GPX2: variants seen among roughly 807,000 people sequenced by gnomAD.
The protein encoded by GPX2 is gastrointestinal glutathione peroxidase.
GPX2 carries 21 observed loss-of-function variants against 14.1 expected under a neutral mutation model. The ratio of observed to expected loss-of-function variants is 1.48; its 90% CI spans 1.05 to 2.14. The LOEUF is 2.14. Among genes scored for constraint, GPX2 ranks in the 30% most tolerant of loss-of-function variants. The pLI, the probability that GPX2 is intolerant of heterozygous loss-of-function variation, is 0.00. For missense variants in GPX2, 241 were observed against 249.8 expected (o/e 0.96, Z 0.24); for synonymous variants, 94 against 95.2 (o/e 0.99, Z 0.07).
In GPX2 at chr14:64,939,300, T is replaced by G; in HGVS notation, c.*188A>C. The stretch of plus-strand genomic sequence containing the variant: ...CTTACCCAAGTCTTGGAGCCCAAGT[T>G]GAATCACCAACCAGAGGGTTGGGAG... On this transcript the variant is annotated 3_prime_UTR_variant, in exon 2 of 2. Transcript: ENST00000389614. This position sits in a 1 kb window ranked among gnomAD's most constrained non-coding sequence, Gnocchi z 5.7. The G allele has an allele frequency of 1.7e-6, 1 of 605,800 alleles. No homozygotes were observed. The highest frequency in any genetic ancestry group is 2.0e-5 in the South Asian group (1 of 50,474). The allele number at this position is 605,800 out of a possible 1,614,324, so 37.5% of individuals were successfully genotyped here.
In GPX2 at chr14:64,940,217, G is replaced by A; in HGVS notation, c.223-379C>T. 1 of 1,296,562 alleles carries A rather than the reference G, an allele frequency of 7.7e-7. No individual in the cohort carries two copies. The highest frequency in any genetic ancestry group is 1.5e-5 in the African/African-American group (1 of 66,388). 80.3% of individuals were successfully genotyped at this position (1,296,562 alleles called of 1,614,324 possible). A position where few individuals can be genotyped will look rare whatever the true frequency, so the allele number is the denominator to read the frequency against. On this transcript the variant is annotated intron_variant, in intron 1 of 1. Coordinates refer to ENST00000389614, the MANE Select transcript of GPX2 (RefSeq NM_002083.4). The surrounding 1 kb of genome is among the most constrained non-coding windows in gnomAD (Gnocchi z 4.5). ...AGCAGTTCTTAAGGTGTTTGAAGCA[G>A]AAGAAAGAGAAAAGAGGCTTAGGTT...
At position 64,940,534 on chromosome 14, in the gene GPX2, A is replaced by G. The variant is rs1021009994; in HGVS notation, c.223-696T>C. Among the ~76,000 whole-genome samples, 1 of 152,206 alleles carries G rather than the reference A, an allele frequency of 6.6e-6. No individual in the cohort carries two copies. The highest frequency in any genetic ancestry group is 6.5e-5 in the Admixed American group (1 of 15,282). On this transcript the variant is annotated intron_variant, in intron 1 of 1. Transcript: ENST00000389614. The surrounding 1 kb of genome is among the most constrained non-coding windows in gnomAD (Gnocchi z 4.5). ...TGAAGGAAGACCCCCATCCAAGAAC[A>G]TCTAGTTTTCAGGTGCCATAACAGC... is the stretch of plus-strand genomic sequence containing the variant.
Position 64,939,879 on chromosome 14 carries a change from G to A in GPX2, c.223-41C>T, listed in dbSNP as rs934723063. 1.3e-6 allele frequency: 2 copies of A among 1,595,628 alleles called. No individual in the cohort carries two copies. Among genetic ancestry groups the A allele is most frequent in the Non-Finnish European group, 1.7e-6 (2 of 1,169,510 alleles). ...GACAAAGTGCGTGGACAGTGGGTGG[G>A]GGAAGAGAAAGATCCACAACATGAA... On this transcript the variant is annotated intron_variant, in intron 1 of 1. Transcript: ENST00000389614. The surrounding 1 kb of genome is among the most constrained non-coding windows in gnomAD (Gnocchi z 5.7).
chr14:64,942,474 T>G, intron 1 of GPX2, 31 bp downstream of exon 1: 1 of 1,568,194 alleles, frequency 6.4e-7, no homozygotes, highest in Non-Finnish European at 8.8e-7. Context: ...AACCCAACAC[T>G]TTTGGTGCAT....
chr14:64,939,416 G>A lies in GPX2; in HGVS notation c.*72C>T. 1 of 1,182,624 alleles carries A rather than the reference G, an allele frequency of 8.5e-7. No individual in the cohort carries two copies. Among genetic ancestry groups the A allele is most frequent in the South Asian group, 1.4e-5 (1 of 72,762 alleles). 73.3% of individuals were successfully genotyped at this position (1,182,624 alleles called of 1,614,324 possible). On this transcript the variant is annotated 3_prime_UTR_variant, in exon 2 of 2. Coordinates refer to ENST00000389614, the MANE Select transcript of GPX2 (RefSeq NM_002083.4). The surrounding 1 kb of genome is among the most constrained non-coding windows in gnomAD (Gnocchi z 5.7). ...ATGCTGAGGTCCAGCAGTGTCTCCT[G>A]AAGGCATGCTGCATCCTAAGGCTCC...
chr14:64,941,963 A>C (rs1271706299), intron 1 of GPX2, among the ~76,000 whole-genome samples: 5 of 152,244 alleles, frequency 3.3e-5, no homozygotes, highest in Non-Finnish European at 7.3e-5. Flanking sequence ...TATATTTTTC[A>C]AGTTACTTTT....
At chr14:64,941,714 G>A in intron 1 of GPX2, among the ~76,000 whole-genome samples, 1 of 152,158 alleles carries the variant, frequency 6.6e-6, no homozygotes, top group East Asian at 1.9e-4. Context: ...CTCCCTGCTT[G>A]TACGTTAAAA....
Position 64,939,373 on chromosome 14 carries a change from G to T in GPX2, c.*115C>A. ...GGAAAGGCAAGGCTCTGCAGTGAAG[G>T]GGACTGATATCAAGGGAATGCTGAG... On this transcript the variant is annotated 3_prime_UTR_variant, in exon 2 of 2. Transcript: ENST00000389614. The surrounding 1 kb of genome is among the most constrained non-coding windows in gnomAD (Gnocchi z 5.7). 1 of 782,590 alleles carries T rather than the reference G, an allele frequency of 1.3e-6. No individual in the cohort carries two copies. The highest frequency in any genetic ancestry group is 2.4e-5 in the East Asian group (1 of 40,844). 48.5% of individuals were successfully genotyped at this position (782,590 alleles called of 1,614,324 possible).
intron 1 of GPX2, among the ~76,000 whole-genome samples, chr14:64,941,680 C>T (rs917193257): frequency 1.3e-5 from 2 of 152,126 alleles, no homozygotes; most frequent in South Asian, 4.1e-4. Context: ...GGGATTATAA[C>T]GAGAGGGTTC....
rs1362613463 is a variant in GPX2 at position 64,940,109 on chromosome 14, G to A, written c.223-271C>T. On this transcript the variant is annotated intron_variant, in intron 1 of 1. Coordinates refer to ENST00000389614, the MANE Select transcript of GPX2 (RefSeq NM_002083.4). This position sits in a 1 kb window ranked among gnomAD's most constrained non-coding sequence, Gnocchi z 4.5. ...TTTTTTTTTTTTTTTGTAGAGATGG[G>A]GTCTCACTTTGTTGCCCATGCTTTG... The A allele has an allele frequency of 3.3e-5, 46 of 1,409,184 alleles. No homozygotes were observed. In the East Asian group the frequency reaches 9.2e-4, roughly 28 times the overall value. The allele number at this position is 1,409,184 out of a possible 1,614,324, so 87.3% of individuals were successfully genotyped here.
At position 64,940,104 on chromosome 14, in the gene GPX2, G is replaced by T; in HGVS notation, c.223-266C>A. 4 of 1,376,388 alleles carry T rather than the reference G, an allele frequency of 2.9e-6. No individual in the cohort carries two copies. Among genetic ancestry groups the T allele is most frequent in the Non-Finnish European group, 2.9e-6 (3 of 1,039,758 alleles). The allele number at this position is 1,376,388 out of a possible 1,614,324, so 85.3% of individuals were successfully genotyped here. A position where few individuals can be genotyped will look rare whatever the true frequency, so the allele number is the denominator to read the frequency against. On this transcript the variant is annotated intron_variant, in intron 1 of 1. Coordinates refer to ENST00000389614, the MANE Select transcript of GPX2 (RefSeq NM_002083.4). This position sits in a 1 kb window ranked among gnomAD's most constrained non-coding sequence, Gnocchi z 4.5. ...GCTAATTTTTTTTTTTTTTTGTAGA[G>T]ATGGGGTCTCACTTTGTTGCCCATG...
Position 64,939,562 on chromosome 14 carries a change from G to T in GPX2, c.499C>A (p.Arg167=). The T allele has an allele frequency of 3.1e-6, 5 of 1,614,122 alleles. No homozygotes were observed. Among genetic ancestry groups the T allele is most frequent in the Non-Finnish European group, 4.2e-6 (5 of 1,180,022 alleles). Residue 167 remains arginine (R), a synonymous_variant, in exon 2 of 2, where the codon CGA becomes AGA. Coordinates refer to ENST00000389614, the MANE Select transcript of GPX2 (RefSeq NM_002083.4). This position sits in a 1 kb window ranked among gnomAD's most constrained non-coding sequence, Gnocchi z 5.7. ...FLIGPEGEPF[R]RYSRTFPTIN... ...GTTGGGAAGGTGCGGCTGTAGCGTC[G>T]GAAGGGCTCTCCCTCCGGCCCTATG...
intron 1 of GPX2, 121 bp downstream of exon 1, chr14:64,942,384 T>G: frequency 1.3e-6 from 1 of 754,354 alleles, no homozygotes; most frequent in Non-Finnish European, 2.3e-6. Flanking sequence ...AGACCTAGCT[T>G]AACAAAACAT....
Position 64,940,269 on chromosome 14 carries a change from TAACC to T in GPX2, c.223-435_223-432del. ...TACTGCTTAGAACCTCCTCTTCAAC[TAACC>T]TACCGACCCACCTACCCATAAATCC... is the stretch of plus-strand genomic sequence containing the variant. On this transcript the variant is annotated intron_variant, in intron 1 of 1. Coordinates refer to ENST00000389614, the MANE Select transcript of GPX2 (RefSeq NM_002083.4). This position sits in a 1 kb window ranked among gnomAD's most constrained non-coding sequence, Gnocchi z 4.5. 1.1e-6 allele frequency: 1 copy of T among 945,292 alleles called. No homozygotes were observed. 58.6% of individuals were successfully genotyped at this position (945,292 alleles called of 1,614,324 possible).
chr14:64,939,538 T>C lies in GPX2; in HGVS notation c.523A>G (p.Thr175Ala). 1 of 1,614,072 alleles carries C rather than the reference T, an allele frequency of 6.2e-7. No individual in the cohort carries two copies. Among genetic ancestry groups the C allele is most frequent in the Non-Finnish European group, 8.5e-7 (1 of 1,180,010 alleles). ...TTGATGTCAGGCTCAATGTTGATGG[T>C]TGGGAAGGTGCGGCTGTAGCGTCGG... is the stretch of plus-strand genomic sequence containing the variant. ...PFRRYSRTFP[T>A]INIEPDIKRL... The change falls in exon 2 of 2, where the codon ACC (threonine) becomes GCC (alanine). Residue 175 changes from threonine to alanine, a missense_variant. Coordinates refer to ENST00000389614, the MANE Select transcript of GPX2 (RefSeq NM_002083.4). The surrounding 1 kb of genome is among the most constrained non-coding windows in gnomAD (Gnocchi z 5.7).
At position 64,941,560 on chromosome 14, in the gene GPX2, A is replaced by G. The variant is rs912960205; in HGVS notation, c.222+945T>C. On this transcript the variant is annotated intron_variant, in intron 1 of 1. Coordinates refer to ENST00000389614, the MANE Select transcript of GPX2 (RefSeq NM_002083.4). ...GGCCAGACAGAAAACTTAGGGAAGA[A>G]CAGTGAGAGCAGTGAACAGTTTGGG... is the stretch of plus-strand genomic sequence containing the variant. 1.0e-5 allele frequency: 13 copies of G among 1,281,906 alleles called. No homozygotes were observed. The South Asian group carries it at 1.3e-4, about 12-fold the overall frequency. 79.4% of individuals were successfully genotyped at this position (1,281,906 alleles called of 1,614,324 possible).
At chr14:64,941,016 A>G (rs757521581) in intron 1 of GPX2, among the ~76,000 whole-genome samples, 4 of 152,210 alleles carry the variant, frequency 2.6e-5, no homozygotes, top group Admixed American at 6.5e-5. Context: ...GTTCCAGGCC[A>G]TCATGACATC....
chr14:64,941,161 G>C (rs1415873101), intron 1 of GPX2, among the ~76,000 whole-genome samples: 1 of 152,132 alleles, frequency 6.6e-6, no homozygotes, highest in African/African-American at 2.4e-5. Flanking sequence ...CGACTTCCCA[G>C]GCTCAGGCGA....
intron 1 of GPX2, among the ~76,000 whole-genome samples, chr14:64,941,838 G>A (rs958364797): frequency 3.9e-5 from 6 of 152,292 alleles, no homozygotes; most frequent in African/African-American, 9.6e-5. Flanking sequence ...CCAGAGGCAC[G>A]TGCCTTTTGA....
Sources: allele counts gnomAD v4.1 joint callset (sites outside exome capture counted in the v4.1 genomes callset), GRCh38; gene constraint gnomAD v4.1.1; non-coding constraint Gnocchi (gnomAD v3.1); transcripts MANE v1.5; gene names NCBI Gene and HGNC (gene_info 2026-07-23, HGNC 2026-07-21).